CPSF3: variants seen among roughly 807,000 people sequenced by gnomAD.
The protein encoded by CPSF3 is cleavage and polyadenylation specificity factor subunit 3.
In CPSF3, 57 loss-of-function variants were observed where a neutral mutation model predicts 84.1. The ratio of observed to expected loss-of-function variants is 0.68; its 90% confidence interval spans 0.55 to 0.85. The LOEUF (loss-of-function observed/expected upper bound fraction) is 0.85. CPSF3 is among the 40% of genes least tolerant of loss of function. CPSF3 has a pLI of 0.00. For synonymous variants in CPSF3, 275 were observed against 278.1 expected (o/e 0.99, Z 0.11); for missense variants, 522 against 838.8 (o/e 0.62, Z 4.66).
chr2:9,434,408 T>C (rs1680707694), intron 6 of CPSF3, among the ~76,000 whole-genome samples: 1 of 151,974 alleles, frequency 6.6e-6, no homozygotes. Flanking sequence ...CTTTTTGTAG[T>C]GCAGTTTCAC....
chr2:9,428,681 T>A, intron 1 of CPSF3, 84 bp from the exon 2 acceptor site: 1 of 854,948 alleles, frequency 1.2e-6, no homozygotes, highest in Non-Finnish European at 2.0e-6. Context: ...TGGCATGTAG[T>A]GTACATTGTA....
At chr2:9,455,016 T>C (rs12151757) in intron 12 of CPSF3, among the ~76,000 whole-genome samples, 83,193 of 151,932 alleles carry the variant, frequency 0.55, 23,754 homozygotes, top group Middle Eastern at 0.68. Flanking sequence ...GTAAATTAGG[T>C]AGCCCTTGTG....
At chr2:9,463,259 C>T (rs973985061) in intron 15 of CPSF3, among the ~76,000 whole-genome samples, 8 of 152,130 alleles carry the variant, frequency 5.3e-5, no homozygotes, top group Non-Finnish European at 1.0e-4. Flanking sequence ...CAGGATCTGA[C>T]GGAGTTTTTA....
rs543727439 is a variant in CPSF3, at chr2:9,459,638, CTTTTTTTTTTTTTT to C, written c.1786+35_1786+48del. ...GAAAAGGTAAGAGTTCATTTTTATC[CTTTTTTTTTTTTTT>C]TTTTTTTTTTTTTTGGAGACGGATA... On this transcript the variant is annotated intron_variant, in intron 15 of 17. Transcript: ENST00000238112. 4.7e-4 allele frequency: 145 copies of C among 310,490 alleles called. 1 individual carries two copies. The highest frequency in any genetic ancestry group is 8.3e-4 in the Middle Eastern group (1 of 1,206). The allele number at this position is 310,490 out of a possible 1,614,324, so 19.2% of individuals were successfully genotyped here. A position where few individuals can be genotyped will look rare whatever the true frequency, so the allele number is the denominator to read the frequency against.
At chr2:9,442,864 G>A (rs10803700) in intron 9 of CPSF3, among the ~76,000 whole-genome samples, 81,705 of 147,466 alleles carry the variant, frequency 0.55, 23,477 homozygotes, top group Middle Eastern at 0.68. Flanking sequence ...AAAAAAAAAA[G>A]AAAAAAAAAA....
chr2:9,455,714 T>C lies in CPSF3; in HGVS notation c.1560T>C (p.Thr520=). 2 of 1,614,134 alleles carry C rather than the reference T, an allele frequency of 1.2e-6. No homozygotes were observed. Among genetic ancestry groups the C allele is most frequent in the Non-Finnish European group, 1.7e-6 (2 of 1,180,002 alleles). The change falls in exon 13 of 18, where the codon ACT becomes ACC. Residue 520 remains threonine, a synonymous_variant. Coordinates refer to ENST00000238112, the MANE Select transcript of CPSF3 (RefSeq NM_016207.4). ...TVKQTQAIPY[T]GPFNLLCYQL... ...AGCAGACCCAAGCCATTCCATATACTGGTCCCTTTAATTTGCTCTGTTACC... is the reference window on the plus strand; with the variant it reads ...AGCAGACCCAAGCCATTCCATATACCGGTCCCTTTAATTTGCTCTGTTACC...
At chr2:9,462,646 T>C (rs993195857) in intron 15 of CPSF3, among the ~76,000 whole-genome samples, 1 of 152,232 alleles carries the variant, frequency 6.6e-6, no homozygotes, top group Non-Finnish European at 1.5e-5. Flanking sequence ...CTGTCATAGG[T>C]TGGTTTGCCT....
At position 9,433,939 on chromosome 2, in the gene CPSF3, T is replaced by A; in HGVS notation, c.588T>A (p.Ile196=). The part of the protein sequence containing the change: ...RHLMAAEIPN[I]KPDILIIEST... Reference sequence around the variant, plus strand: ...TAATGGCAGCTGAAATTCCTAATATTAAGCCTGATATTCTTATCATTGTAA... The same window carrying A: ...TAATGGCAGCTGAAATTCCTAATATAAAGCCTGATATTCTTATCATTGTAA... Residue 196 remains isoleucine, a synonymous_variant, in exon 6 of 18, where the codon ATT becomes ATA. Coordinates refer to ENST00000238112, the MANE Select transcript of CPSF3 (RefSeq NM_016207.4). 1 of 1,579,866 alleles carries A rather than the reference T, an allele frequency of 6.3e-7. No individual in the cohort carries two copies. The highest frequency in any genetic ancestry group is 8.7e-7 in the Non-Finnish European group (1 of 1,149,112).
chr2:9,428,696 AGT>A (rs1484145790), intron 1 of CPSF3, 67 bp from the exon 2 acceptor site: 5 of 1,072,852 alleles, frequency 4.7e-6, no homozygotes, highest in Non-Finnish European at 7.1e-6. Context: ...ATTGTAAAAA[AGT>A]GTAAGTTTAT....
chr2:9,430,024 A>C lies in CPSF3; in HGVS notation c.212+4A>C. 6.7e-7 allele frequency: 1 copy of C among 1,488,854 alleles called. No individual in the cohort carries two copies. The highest frequency in any genetic ancestry group is 9.1e-7 in the Non-Finnish European group (1 of 1,096,768). The allele number at this position is 1,488,854 out of a possible 1,614,324, so 92.2% of individuals were successfully genotyped here. A position where few individuals can be genotyped will look rare whatever the true frequency, so the allele number is the denominator to read the frequency against. ...TTGATCTCCTATTAATTAGTCAGTA[A>C]GTTTTTCCCTTTATTAATGACACTT... On this transcript the variant is annotated splice_donor_region_variant and intron_variant, in intron 3 of 17. Transcript: ENST00000238112.
At chr2:9,452,254 G>A (rs1053146907) in intron 11 of CPSF3, among the ~76,000 whole-genome samples, 5 of 151,260 alleles carry the variant, frequency 3.3e-5, no homozygotes, top group South Asian at 2.1e-4. Flanking sequence ...GCTTGAACCC[G>A]GGAGGCAGAG....
chr2:9,428,909 CT>C, intron 2 of CPSF3, 81 bp downstream of exon 2: 1 of 815,342 alleles, frequency 1.2e-6, no homozygotes, highest in Non-Finnish European at 2.1e-6. Context: ...GACTAGTTAT[CT>C]TTTTAGCTCC....
chr2:9,434,387 G>A (rs1680707123), intron 6 of CPSF3, among the ~76,000 whole-genome samples: 5 of 151,962 alleles, frequency 3.3e-5, no homozygotes, highest in Admixed American at 3.3e-4. Flanking sequence ...AAAAAATTGG[G>A]GCAGGTGCTT....
At chr2:9,429,380 A>G (rs545795790) in intron 2 of CPSF3, among the ~76,000 whole-genome samples, 23 of 152,364 alleles carry the variant, frequency 1.5e-4, no homozygotes, top group African/African-American at 4.8e-4. Flanking sequence ...ACTCCTCCCA[A>G]TCTGAAAAGA....
chr2:9,449,274 C>T (rs984455712), intron 11 of CPSF3, among the ~76,000 whole-genome samples: 2 of 151,998 alleles, frequency 1.3e-5, no homozygotes, highest in African/African-American at 4.8e-5. Context: ...CCTGTAATCC[C>T]AGCTACTTGG....
rs376475698 is a variant in CPSF3 at position 9,452,933 on chromosome 2, C to T, written c.1416C>T (p.Asp472=). The change falls in exon 12 of 18, where the codon GAC becomes GAT. Residue 472 remains aspartate, a synonymous_variant. Transcript: ENST00000238112. Reference sequence around the variant, plus strand: ...TACAGGTTATGGGATTTTTAGCAGACAAAAAACCAGAACAAGGCCAGCGGG... The same window carrying T: ...TACAGGTTATGGGATTTTTAGCAGATAAAAAACCAGAACAAGGCCAGCGGG... The part of the protein sequence containing the change: ...KLAKVMGFLA[D]KKPEQGQRVS... 6.1e-5 allele frequency: 98 copies of T among 1,601,472 alleles called. No homozygotes were observed. The highest frequency in any genetic ancestry group is 1.1e-4 in the Admixed American group (6 of 56,392).
chr2:9,467,721 G>T lies in CPSF3; in HGVS notation c.1801G>T (p.Val601Phe). The T allele has an allele frequency of 1.2e-6, 2 of 1,612,422 alleles. No individual in the cohort carries two copies. The highest frequency in any genetic ancestry group is 1.7e-6 in the Non-Finnish European group (2 of 1,178,850). Residue 601 changes from valine (V) to phenylalanine (F), a missense_variant, in exon 16 of 18, where the codon GTT (valine) becomes TTT (phenylalanine). By Grantham distance (50) the Val-to-Phe change is conservative. Transcript: ENST00000238112. ...TTTTTTCCCAGGTGCAGTACAGAAG[G>T]TTTCTAAAAAATTAGAAATGCACGT... Reference protein sequence around the residue: ...PKIRKGAVQKVSKKLEMHVYS... With the variant: ...PKIRKGAVQKFSKKLEMHVYS...
At chr2:9,461,024 C>A (rs577182005) in intron 15 of CPSF3, among the ~76,000 whole-genome samples, 7 of 152,328 alleles carry the variant, frequency 4.6e-5, no homozygotes, top group African/African-American at 1.7e-4. Context: ...GAGCAGACTA[C>A]TTTGTAATTC....
At chr2:9,469,588 G>A (rs925711119) in intron 16 of CPSF3, among the ~76,000 whole-genome samples, 2 of 152,104 alleles carry the variant, frequency 1.3e-5, no homozygotes, top group Non-Finnish European at 2.9e-5. Flanking sequence ...CCTTCCACTG[G>A]ACTTTCACTC....
Sources: gnomAD v4.1 joint callset for allele counts (sites outside exome capture counted in the v4.1 genomes callset) on GRCh38, gnomAD v4.1.1 for gene constraint, MANE v1.5 for transcripts, NCBI Gene and HGNC (gene_info 2026-07-23, HGNC 2026-07-21) for gene names.